The following HIP1 variants were observed in gnomAD, a reference collection of about 807,000 sequenced individuals.
HIP1 encodes the protein huntingtin-interacting protein 1.
HIP1 carries 65 observed loss-of-function variants against 147.6 expected under a neutral mutation model. The ratio of observed to expected loss-of-function variants is 0.44; its 90% confidence interval spans 0.36 to 0.54. The LOEUF (loss-of-function observed/expected upper bound fraction) is 0.54. HIP1 is among the 20% of genes least tolerant of loss of function. The pLI is 0.00. For synonymous variants in HIP1, 479 were observed against 504.0 expected, an observed-to-expected ratio of 0.95 and a Z score of 0.67; for missense variants, 1,061 against 1,299.6, an observed-to-expected ratio of 0.82 and a Z score of 2.82.
rs1554523981 is a variant in HIP1, at chr7:75,738,882, G to A, written c.39C>T (p.Asn13=). Residue 13 remains asparagine (N), a synonymous_variant, in exon 1 of 31, where the codon AAC becomes AAT. Coordinates refer to ENST00000336926, the MANE Select transcript of HIP1 (RefSeq NM_005338.7). The part of the protein sequence containing the change: ...RMASSMKQVP[N]PLPKVLSRRG... Reference sequence around the variant, plus strand: ...GCCGGCTCAGCACCTTGGGCAGTGGGTTGGGCACCTGCTTCATGGAGCTGG... The same window carrying A: ...GCCGGCTCAGCACCTTGGGCAGTGGATTGGGCACCTGCTTCATGGAGCTGG... 1 of 1,570,038 alleles carries A rather than the reference G, an allele frequency of 6.4e-7. No homozygotes were observed. Among genetic ancestry groups the A allele is most frequent in the Admixed American group, 1.8e-5 (1 of 54,222 alleles).
chr7:75,572,109 A>T (rs1437122071), intron 8 of HIP1, among the ~76,000 whole-genome samples: 1 of 152,070 alleles, frequency 6.6e-6, no homozygotes, highest in Non-Finnish European at 1.5e-5. Context: ...CTGTGGTCCC[A>T]GCTACTTGGG....
Position 75,737,133 on chromosome 7 carries a change from C to G in HIP1, c.120+1668G>C, listed in dbSNP as rs368521288. Among the ~76,000 whole-genome samples, 59 of 152,198 alleles carry G rather than the reference C, an allele frequency of 3.9e-4. No individual in the cohort carries two copies. In the South Asian group the frequency reaches 4.8e-3, roughly 12 times the overall value. ...TAGAGGCGGGATCTCAGTGTGTTGT[C>G]TAGGCAGGTATCGAACTCCTGGGAT... On this transcript the variant is annotated intron_variant, in intron 1 of 30. Transcript: ENST00000336926.
At chr7:75,554,037 G>A (rs1302711446) in intron 21 of HIP1, 76 bp downstream of exon 21, 15 of 1,091,462 alleles carry the variant, frequency 1.4e-5, no homozygotes, top group African/African-American at 4.7e-5. Flanking sequence ...GAGCCACTGC[G>A]CCCGGCCCAA....
intron 1 of HIP1, among the ~76,000 whole-genome samples, chr7:75,635,577 C>CAAAAAAAA (rs144914669): frequency 2.9e-5 from 2 of 69,822 alleles, no homozygotes; most frequent in African/African-American, 1.3e-4. Context: ...GACTCCATCT[C>CAAAAAAAA]AAAAAAAAAA....
chr7:75,644,571 A>G (rs1196009439), intron 1 of HIP1, among the ~76,000 whole-genome samples: 1 of 152,198 alleles, frequency 6.6e-6, no homozygotes, highest in East Asian at 1.9e-4. Context: ...CTGGGATTAC[A>G]GGTGTGAGAC....
At chr7:75,665,087 C>G (rs1402843207) in intron 1 of HIP1, among the ~76,000 whole-genome samples, 1 of 151,992 alleles carries the variant, frequency 6.6e-6, no homozygotes, top group African/African-American at 2.4e-5. Flanking sequence ...TAGTGAGACC[C>G]TGTTTCTACA....
At chr7:75,625,729 C>A (rs978550650) in intron 1 of HIP1, 24 of 152,118 alleles carry the variant, frequency 1.6e-4, no homozygotes, top group African/African-American at 5.8e-4. Flanking sequence ...GAGGTAGGGA[C>A]TTTTCGGAAA....
intron 1 of HIP1, among the ~76,000 whole-genome samples, chr7:75,641,455 G>A (rs1450498032): frequency 2.7e-5 from 4 of 148,992 alleles, no homozygotes; most frequent in African/African-American, 5.0e-5. Context: ...TTCTTTTTTG[G>A]TTTTCTTTTT....
At chr7:75,634,475 G>A (rs966204162) in intron 1 of HIP1, among the ~76,000 whole-genome samples, 1 of 152,112 alleles carries the variant, frequency 6.6e-6, no homozygotes, top group African/African-American at 2.4e-5. Flanking sequence ...TCGCTATAGC[G>A]CATACTTTGA....
At chr7:75,658,335 C>T (rs969745033) in intron 1 of HIP1, among the ~76,000 whole-genome samples, 4 of 152,234 alleles carry the variant, frequency 2.6e-5, no homozygotes, top group Admixed American at 2.0e-4. Context: ...TGATACCCCC[C>T]AACCTTGGCC....
intron 1 of HIP1, among the ~76,000 whole-genome samples, chr7:75,691,148 G>A (rs1017989424): frequency 4.6e-5 from 7 of 152,030 alleles, no homozygotes; most frequent in African/African-American, 1.4e-4. Context: ...TAAACGAAAG[G>A]AGCAGGACAC....
intron 1 of HIP1, among the ~76,000 whole-genome samples, chr7:75,705,531 C>T (rs1800963611): frequency 6.6e-6 from 1 of 152,030 alleles, no homozygotes; most frequent in African/African-American, 2.4e-5. Context: ...CCGTGCCTGG[C>T]TGAGTTTTTG....
At chr7:75,698,181 C>CT (rs1296118403) in intron 1 of HIP1, among the ~76,000 whole-genome samples, 9 of 152,052 alleles carry the variant, frequency 5.9e-5, no homozygotes, top group Non-Finnish European at 1.2e-4. Context: ...ACGCTTTATC[C>CT]TTTTTCCTAT....
chr7:75,543,824 CAT>C (rs1446696086), intron 27 of HIP1, among the ~76,000 whole-genome samples: 3 of 152,102 alleles, frequency 2.0e-5, no homozygotes, highest in African/African-American at 7.2e-5. Context: ...CCACGAGGGA[CAT>C]GTGTGGCACA....
chr7:75,726,703 CTT>C (rs797038208), intron 1 of HIP1, among the ~76,000 whole-genome samples: 19 of 133,400 alleles, frequency 1.4e-4, no homozygotes, highest in African/African-American at 8.3e-5. Context: ...AAATGTTTTT[CTT>C]TTTTTTTTTT....
chr7:75,558,159 G>C lies in HIP1; in HGVS notation c.1464+8C>G. The C allele has an allele frequency of 6.2e-7, 1 of 1,611,178 alleles. No individual in the cohort carries two copies. Among genetic ancestry groups the C allele is most frequent in the Non-Finnish European group, 8.5e-7 (1 of 1,177,522 alleles). On this transcript the variant is annotated splice_region_variant and intron_variant, in intron 15 of 30. Coordinates refer to ENST00000336926, the MANE Select transcript of HIP1 (RefSeq NM_005338.7). ...CTGCAGGATGGTGACAGGGGCTGAG[G>C]GTCTTACCTTCCGCAGCAGGTCAGC...
At position 75,561,352 on chromosome 7, in the gene HIP1, G is replaced by T; in HGVS notation, c.1168C>A (p.Gln390Lys). ...ACCTCAGTCTTCATGTTTTCTAGCT[G>T]TGCCTTCAATCCACTGATCTCTCTG... ...LYREISGLKA[Q>K]LENMKTESQR... The change falls in exon 13 of 31, where the codon CAG becomes AAG. Residue 390 changes from glutamine (Q) to lysine (K), a missense_variant. Gln to Lys is a moderately conservative substitution (Grantham distance 53). Transcript: ENST00000336926. 2 of 1,612,550 alleles carry T rather than the reference G, an allele frequency of 1.2e-6. No individual in the cohort carries two copies. Among genetic ancestry groups the T allele is most frequent in the Admixed American group, 1.7e-5 (1 of 60,008 alleles).
intron 1 of HIP1, among the ~76,000 whole-genome samples, chr7:75,727,779 G>A (rs559852078): frequency 6.6e-6 from 1 of 151,224 alleles, no homozygotes; most frequent in South Asian, 2.1e-4. Flanking sequence ...CCAGGAGCAG[G>A]AGGTTGCAGT....
At chr7:75,718,663 T>G (rs1033990852) in intron 1 of HIP1, among the ~76,000 whole-genome samples, 1 of 152,250 alleles carries the variant, frequency 6.6e-6, no homozygotes, top group Non-Finnish European at 1.5e-5. Context: ...TGGATAGTTC[T>G]GTCTGCATCC....
Sources: allele counts gnomAD v4.1 joint callset (sites outside exome capture counted in the v4.1 genomes callset), GRCh38; gene constraint gnomAD v4.1.1; transcripts MANE v1.5; gene names NCBI Gene and HGNC (gene_info 2026-07-23, HGNC 2026-07-21).